MYO6: variants seen among roughly 807,000 people sequenced by gnomAD.
The protein encoded by MYO6 is myosin VI.
Under a neutral mutation model 178.7 loss-of-function variants are expected in MYO6, and 74 were observed. The ratio of observed to expected loss-of-function variants is 0.41; its 90% CI spans 0.34 to 0.50. MYO6 has a LOEUF of 0.50. MYO6 is among the 20% of genes least tolerant of loss of function. The probability of loss-of-function intolerance (pLI) is 0.09; values close to 1 mark genes in which losing one functional copy is unlikely to be tolerated. For synonymous variants in MYO6, 477 were observed against 504.6 expected, an observed-to-expected ratio of 0.95 and a Z score of 0.73; for missense variants, 1,330 against 1,547.4, an observed-to-expected ratio of 0.86 and a Z score of 2.36.
chr6:75,813,945 G>A (rs1479215922), intron 1 of MYO6, among the ~76,000 whole-genome samples: 1 of 152,056 alleles, frequency 6.6e-6, no homozygotes, highest in Admixed American at 6.5e-5. Flanking sequence ...TTCCCTCTTC[G>A]CCTCTCAAAC....
chr6:75,850,213 C>A (rs1191534528), intron 11 of MYO6, among the ~76,000 whole-genome samples: 2 of 151,958 alleles, frequency 1.3e-5, no homozygotes, highest in Non-Finnish European at 2.9e-5. Flanking sequence ...GGCCAGCGGG[C>A]ACCTCCTCTC....
chr6:75,914,484 C>T (rs1210745186), intron 34 of MYO6, among the ~76,000 whole-genome samples: 3 of 152,146 alleles, frequency 2.0e-5, no homozygotes, highest in African/African-American at 7.2e-5. Flanking sequence ...ATGTTCTTAG[C>T]ACATAGAAAC....
intron 32 of MYO6, among the ~76,000 whole-genome samples, chr6:75,909,820 C>A (rs533613118): frequency 6.6e-6 from 1 of 152,126 alleles, no homozygotes; most frequent in East Asian, 1.9e-4. Flanking sequence ...CCCAAATTGA[C>A]TTAAAAAATG....
At chr6:75,866,863 G>A (rs1776748584) in intron 17 of MYO6, 69 bp from the exon 18 acceptor site, 5 of 1,523,728 alleles carry the variant, frequency 3.3e-6, no homozygotes, top group Non-Finnish European at 4.5e-6. Context: ...AAGTTCCTTT[G>A]GACAGAGCCA....
chr6:75,916,181 C>T lies in MYO6; in HGVS notation c.*1169C>T, dbSNP rs1338754983. The T allele has an allele frequency of 6.6e-6, 1 of 152,154 alleles. No homozygotes were observed. The highest frequency in any genetic ancestry group is 1.5e-5 in the Non-Finnish European group (1 of 68,020). 9.4% of individuals were successfully genotyped at this position (152,154 alleles called of 1,614,324 possible). The stretch of plus-strand genomic sequence containing the variant: ...AAAATACATCAAGGAGTTATGCTGA[C>T]ATAATTCTAAGGAGTTTTGTTGTAT... On this transcript the variant is annotated 3_prime_UTR_variant, in exon 35 of 35. Coordinates refer to ENST00000369977, the MANE Select transcript of MYO6 (RefSeq NM_004999.4).
chr6:75,866,819 C>T (rs1776744724), intron 17 of MYO6, 113 bp from the exon 18 acceptor site: 2 of 1,211,384 alleles, frequency 1.7e-6, no homozygotes, highest in African/African-American at 1.5e-5. Context: ...CGGCGTTGGA[C>T]AGTGCAGATA....
At position 75,914,149 on chromosome 6, in the gene MYO6, A is replaced by C. The variant is rs755922465; in HGVS notation, c.3526A>C (p.Ile1176Leu). ...GCAACGCTTCTTCCGCATCCCATTC[A>C]TCCGCCCTGCCGACCAGTACAAAGA... ...RQQRFFRIPF[I>L]RPADQYKDPQ... The change falls in exon 34 of 35, where the codon ATC (isoleucine) becomes CTC (leucine). Residue 1176 changes from isoleucine (I) to leucine (L), a missense_variant. This residue lies in a region of MYO6 where 601 missense variants were observed against 626.1 expected (regional missense o/e 0.96). Transcript: ENST00000369977. 128 of 1,614,040 alleles carry C rather than the reference A, an allele frequency of 7.9e-5. No homozygotes were observed. Among genetic ancestry groups the C allele is most frequent in the Non-Finnish European group, 1.1e-4 (126 of 1,180,040 alleles).
intron 11 of MYO6, among the ~76,000 whole-genome samples, chr6:75,850,352 A>G (rs1775144817): frequency 6.6e-6 from 1 of 152,230 alleles, no homozygotes; most frequent in African/African-American, 2.4e-5. Context: ...TGTAATCTGT[A>G]TATCATAAAT....
intron 1 of MYO6, among the ~76,000 whole-genome samples, chr6:75,755,526 G>T (rs958612251): frequency 6.6e-6 from 1 of 152,180 alleles, no homozygotes; most frequent in African/African-American, 2.4e-5. Context: ...TAGATTGCTA[G>T]ACTGAAATTG....
At chr6:75,892,469 G>A in intron 27 of MYO6, 61 bp from the exon 28 acceptor site, 1 of 1,597,238 alleles carries the variant, frequency 6.3e-7, no homozygotes, top group Non-Finnish European at 8.6e-7. Context: ...TAAGTAATAA[G>A]GGGAGTGATC....
rs1446741190 is a variant in MYO6, at chr6:75,841,335, A to G, written c.773A>G (p.Asp258Gly). 2 of 1,613,908 alleles carry G rather than the reference A, an allele frequency of 1.2e-6. No individual in the cohort carries two copies. The highest frequency in any genetic ancestry group is 1.3e-5 in the African/African-American group (1 of 74,918). ...FYRLCAGASE[D>G]IREKLHLSSP... ...AGGTTGTGTGCTGGTGCTTCTGAAG[A>G]TATTAGAGAAAAACTTCATTTGAGT... The change falls in exon 9 of 35, where the codon GAT (aspartate) becomes GGT (glycine). Residue 258 changes from aspartate (D) to glycine (G), a missense_variant. Physicochemically the swap from Asp to Gly is moderately conservative, Grantham distance 94 (BLOSUM62 -1). This residue lies in a region of MYO6 where 613 missense variants were observed against 816.8 expected (regional missense o/e 0.75). Coordinates refer to ENST00000369977, the MANE Select transcript of MYO6 (RefSeq NM_004999.4).
At chr6:75,868,567 A>AT (rs1475452834) in intron 18 of MYO6, among the ~76,000 whole-genome samples, 3 of 152,154 alleles carry the variant, frequency 2.0e-5, no homozygotes, top group South Asian at 4.1e-4. Context: ...AATACAATGT[A>AT]TTTTTTTACA....
chr6:75,785,461 GTCTTT>G lies in MYO6; in HGVS notation c.-47-32028_-47-32024del, dbSNP rs1423600870. Among the ~76,000 whole-genome samples the G allele has an allele frequency of 6.5e-3, 934 of 144,018 alleles. 13 individuals carry two copies. Among genetic ancestry groups the G allele is most frequent in the African/African-American group, 0.023 (875 of 37,286 alleles). The allele number at this position is 144,018 out of a possible 152,430, so 94.5% of individuals were successfully genotyped here. A position where few individuals can be genotyped will look rare whatever the true frequency, so the allele number is the denominator to read the frequency against. On this transcript the variant is annotated intron_variant, in intron 1 of 34. Transcript: ENST00000369977. Reference sequence around the variant, plus strand: ...GTTTTTTGTTTTGTTTTGTTTTTTGGTCTTTTCTTTTCTTTTTTTTTTTTTTTTGA... The same window carrying G: ...GTTTTTTGTTTTGTTTTGTTTTTTGGTCTTTTCTTTTTTTTTTTTTTTTGA...
intron 1 of MYO6, among the ~76,000 whole-genome samples, chr6:75,804,229 G>A (rs971011856): frequency 1.3e-5 from 2 of 152,190 alleles, no homozygotes; most frequent in African/African-American, 4.8e-5. Context: ...ACTTTGGTTC[G>A]GGAACCGAAA....
intron 1 of MYO6, among the ~76,000 whole-genome samples, chr6:75,795,215 T>C (rs1768680155): frequency 6.6e-6 from 1 of 152,156 alleles, no homozygotes; most frequent in Non-Finnish European, 1.5e-5. Flanking sequence ...AAAGAAATCA[T>C]CCTATGTTGG....
At chr6:75,898,798 G>A (rs1202827912) in intron 30 of MYO6, among the ~76,000 whole-genome samples, 1 of 152,132 alleles carries the variant, frequency 6.6e-6, no homozygotes, top group Non-Finnish European at 1.5e-5. Flanking sequence ...ACTGTGCGTC[G>A]TTGAAGAGGA....
At chr6:75,845,691 CA>C (rs1347927945) in intron 10 of MYO6, among the ~76,000 whole-genome samples, 2 of 149,648 alleles carry the variant, frequency 1.3e-5, no homozygotes, top group Admixed American at 1.3e-4. Context: ...TAAAAACAAA[CA>C]AAAAAAAGCT....
In MYO6 at chr6:75,879,338, T is replaced by C. The variant is rs1777822336; in HGVS notation, c.2078-482T>C. On this transcript the variant is annotated intron_variant, in intron 20 of 34. Transcript: ENST00000369977. ...GGCTCACTGCAGCCTCCACCTCCTT[T>C]GGCTCAGATGATCCTCCTGTCTCAG... Among the ~76,000 whole-genome samples the C allele has an allele frequency of 2.6e-5, 4 of 152,228 alleles. No individual in the cohort carries two copies. In the South Asian group the frequency reaches 8.3e-4, roughly 32 times the overall value.
At chr6:75,860,900 A>G in intron 14 of MYO6, 123 bp from the exon 15 acceptor site, 1 of 765,266 alleles carries the variant, frequency 1.3e-6, no homozygotes, top group South Asian at 1.5e-5. Context: ...AAAACCATTT[A>G]AGGCTATACC....
Sources: allele counts gnomAD v4.1 joint callset (sites outside exome capture counted in the v4.1 genomes callset), GRCh38; gene constraint gnomAD v4.1.1; regional missense constraint gnomAD v4.1.1; transcripts MANE v1.5; gene names NCBI Gene and HGNC (gene_info 2026-07-23, HGNC 2026-07-21).